Variants in MPZL3 observed in about 807,000 individuals in gnomAD.
MPZL3 encodes myelin protein zero like 3.
A neutral mutation model predicts 24.8 loss-of-function variants in MPZL3; 23 were observed. That is an observed-to-expected ratio of 0.93 (90% CI 0.67 to 1.31). The LOEUF is 1.31. Ranked by LOEUF, MPZL3 falls within the 40% of genes most tolerant of loss-of-function variation. The probability of loss-of-function intolerance (pLI) is 0.00; values close to 1 mark genes in which losing one functional copy is unlikely to be tolerated. For synonymous variants in MPZL3, 99 were observed against 106.5 expected, an observed-to-expected ratio of 0.93 and a Z score of 0.44; for missense variants, 277 against 294.9, an observed-to-expected ratio of 0.94 and a Z score of 0.44.
intron 1 of MPZL3, among the ~76,000 whole-genome samples, chr11:118,251,274 C>A (rs76935442): frequency 0.044 from 6,703 of 151,956 alleles, 496 homozygotes; most frequent in African/African-American, 0.15. Context: ...ATATTAGTCA[C>A]CAGTTAAAAA....
At chr11:118,245,894 G>A (rs1949551813) in intron 1 of MPZL3, among the ~76,000 whole-genome samples, 1 of 152,142 alleles carries the variant, frequency 6.6e-6, no homozygotes, top group Non-Finnish European at 1.5e-5. Flanking sequence ...ATTTTTTGCA[G>A]AATTGAATAG....
chr11:118,229,911 AG>A lies in MPZL3; in HGVS notation c.690del (p.Tyr231MetfsTer17). ...CVRCAECLDS[D>X]YEETY Reference sequence around the variant, plus strand: ...GACTTTCATCAATATGTCTCTTCATAGTCTGAATCCTGGAGGGAGCAAAACA... The same window carrying A: ...GACTTTCATCAATATGTCTCTTCATATCTGAATCCTGGAGGGAGCAAAACA... On this transcript the variant is annotated frameshift_variant, in exon 6 of 6. Coordinates refer to ENST00000278949, the MANE Select transcript of MPZL3 (RefSeq NM_198275.3). 6.2e-7 allele frequency: 1 copy of A among 1,613,500 alleles called. No homozygotes were observed.
Position 118,229,874 on chromosome 11 carries a change from T to C in MPZL3, c.*20A>G, listed in dbSNP as rs1406089616. ...GTTTCCTGTCTTTAGGTGACTCTTC[T>C]TGTGTCATACAGACTTTCATCAATA... On this transcript the variant is annotated 3_prime_UTR_variant, in exon 6 of 6. Coordinates refer to ENST00000278949, the MANE Select transcript of MPZL3 (RefSeq NM_198275.3). 1 of 1,613,240 alleles carries C rather than the reference T, an allele frequency of 6.2e-7. No individual in the cohort carries two copies. Among genetic ancestry groups the C allele is most frequent in the South Asian group, 1.1e-5 (1 of 90,962 alleles).
intron 2 of MPZL3, among the ~76,000 whole-genome samples, chr11:118,237,497 C>T (rs1949441791): frequency 6.6e-6 from 1 of 151,896 alleles, no homozygotes; most frequent in Non-Finnish European, 1.5e-5. Flanking sequence ...TCCCTGGAAC[C>T]CTAAAATAAT....
At chr11:118,251,496 A>G (rs73596387) in intron 1 of MPZL3, among the ~76,000 whole-genome samples, 8,978 of 152,152 alleles carry the variant, frequency 0.059, 671 homozygotes, top group African/African-American at 0.17. Flanking sequence ...ATTGTACCTT[A>G]AGATGAAGGT....
In MPZL3 at chr11:118,226,791, A is replaced by T. The variant is rs541345366; in HGVS notation, c.*3103T>A. 1 of 152,248 alleles carries T rather than the reference A, an allele frequency of 6.6e-6. No homozygotes were observed. The highest frequency in any genetic ancestry group is 2.1e-4 in the South Asian group (1 of 4,834). The allele number at this position is 152,248 out of a possible 1,614,324, so 9.4% of individuals were successfully genotyped here. The stretch of plus-strand genomic sequence containing the variant: ...CCCAACAGTGCCTACCCTCCTACAA[A>T]ACAAAAACAAAAACAAAAAAAGGCA... On this transcript the variant is annotated 3_prime_UTR_variant, in exon 6 of 6. Transcript: ENST00000278949.
intron 1 of MPZL3, among the ~76,000 whole-genome samples, chr11:118,246,330 T>C (rs1949555842): frequency 3.3e-5 from 5 of 152,144 alleles, no homozygotes; most frequent in Admixed American, 2.0e-4. Flanking sequence ...TGTTACCGGA[T>C]ATACTCTCTT....
chr11:118,229,802 C>A lies in MPZL3; in HGVS notation c.*92G>T. On this transcript the variant is annotated 3_prime_UTR_variant, in exon 6 of 6. Coordinates refer to ENST00000278949, the MANE Select transcript of MPZL3 (RefSeq NM_198275.3). ...GGATTGTCCATCGCTATGGTCCAGG[C>A]CAGCTCCACTTTCTCTGACAGGCTT... 1 of 1,320,024 alleles carries A rather than the reference C, an allele frequency of 7.6e-7. No individual in the cohort carries two copies. 81.8% of individuals were successfully genotyped at this position (1,320,024 alleles called of 1,614,324 possible).
At chr11:118,241,034 T>C (rs1037192669) in intron 1 of MPZL3, among the ~76,000 whole-genome samples, 1 of 152,076 alleles carries the variant, frequency 6.6e-6, no homozygotes, top group Non-Finnish European at 1.5e-5. Context: ...AATAGGTAAA[T>C]GCATTCTAGC....
At chr11:118,247,223 A>C (rs7117544) in intron 1 of MPZL3, among the ~76,000 whole-genome samples, 31,976 of 152,138 alleles carry the variant, frequency 0.21, 3,448 homozygotes, top group Middle Eastern at 0.28. Flanking sequence ...TCCAAAGAGT[A>C]GAGTAGAGAA....
At chr11:118,234,124 T>C (rs1301296280) in intron 4 of MPZL3, among the ~76,000 whole-genome samples, 12 of 152,190 alleles carry the variant, frequency 7.9e-5, no homozygotes, top group Admixed American at 7.9e-4. Flanking sequence ...AAATGCTCAA[T>C]AAATTATCCC....
At chr11:118,244,479 T>C (rs1949534537) in intron 1 of MPZL3, among the ~76,000 whole-genome samples, 1 of 151,980 alleles carries the variant, frequency 6.6e-6, no homozygotes, top group Non-Finnish European at 1.5e-5. Context: ...AGCTAAGATC[T>C]GAAGAAAAAG....
intron 1 of MPZL3, among the ~76,000 whole-genome samples, chr11:118,243,231 T>C (rs73596552): frequency 0.059 from 8,999 of 152,202 alleles, 674 homozygotes; most frequent in African/African-American, 0.17. Context: ...CCATGATTCC[T>C]CAAGCCCTTG....
chr11:118,231,813 C>T (rs1949355536), intron 5 of MPZL3, among the ~76,000 whole-genome samples: 1 of 152,142 alleles, frequency 6.6e-6, no homozygotes, highest in South Asian at 2.1e-4. Flanking sequence ...CACTCCTCAC[C>T]ACCTCCACCA....
In MPZL3 at chr11:118,251,382, A is replaced by AT. The variant is rs1473089200; in HGVS notation, c.73+839dup. 2.6e-5 allele frequency among the ~76,000 whole-genome samples: 4 copies of AT among 152,158 alleles called. No homozygotes were observed. In the East Asian group the frequency reaches 7.7e-4, roughly 29 times the overall value. On this transcript the variant is annotated intron_variant, in intron 1 of 5. Transcript: ENST00000278949. ...TTAAATATCTCTTTCAGAAATCCCC[A>AT]TTACCCTCAAGGAAATTTTATAAAT...
At chr11:118,230,428 T>C (rs776941908) in intron 5 of MPZL3, among the ~76,000 whole-genome samples, 10 of 152,178 alleles carry the variant, frequency 6.6e-5, no homozygotes, top group Non-Finnish European at 1.3e-4. Context: ...ATAGAACTGT[T>C]ATGAGAATTG....
At chr11:118,248,421 C>T (rs1341462904) in intron 1 of MPZL3, among the ~76,000 whole-genome samples, 1 of 152,072 alleles carries the variant, frequency 6.6e-6, no homozygotes, top group African/African-American at 2.4e-5. Flanking sequence ...ATTCTGTTTG[C>T]TAAATTATAG....
intron 3 of MPZL3, 59 bp from the exon 4 acceptor site, chr11:118,235,648 A>C: frequency 1.3e-6 from 2 of 1,542,660 alleles, no homozygotes; most frequent in Non-Finnish European, 1.8e-6. Flanking sequence ...CTCCTGCGAC[A>C]TGAGCAACTA....
chr11:118,236,586 A>G (rs1165286875), intron 3 of MPZL3, among the ~76,000 whole-genome samples: 1 of 152,174 alleles, frequency 6.6e-6, no homozygotes, highest in East Asian at 1.9e-4. Flanking sequence ...GTTTCACACT[A>G]AAGGGAAACT....
Sources: gnomAD v4.1 joint callset for allele counts (sites outside exome capture counted in the v4.1 genomes callset) on GRCh38, gnomAD v4.1.1 for gene constraint, MANE v1.5 for transcripts, NCBI Gene and HGNC (gene_info 2026-07-23, HGNC 2026-07-21) for gene names.